SCD5: variants seen among roughly 807,000 people sequenced by gnomAD.
The protein encoded by SCD5 is stearoyl-CoA desaturase 5, also known as acyl-CoA-desaturase 4.
A neutral mutation model predicts 30.4 loss-of-function variants in SCD5; 20 were observed. The observed-to-expected ratio is 0.66, with a 90% CI of 0.46 to 0.96. The LOEUF is 0.96. Ranked by LOEUF, SCD5 falls within the 40% of genes least tolerant of loss-of-function variation. SCD5 has a pLI of 0.00. For synonymous variants in SCD5, 173 were observed against 176.4 expected (o/e 0.98, Z 0.16); for missense variants, 381 against 443.3 (o/e 0.86, Z 1.26).
At chr4:82,730,583 TTC>T (rs1720615930) in intron 1 of SCD5, among the ~76,000 whole-genome samples, 1 of 123,254 alleles carries the variant, frequency 8.1e-6, no homozygotes, top group Non-Finnish European at 1.6e-5. Context: ...TTTTTTTCCC[TTC>T]TTTTTTTTTT....
chr4:82,785,393 T>C (rs933179183), intron 1 of SCD5, among the ~76,000 whole-genome samples: 1 of 152,214 alleles, frequency 6.6e-6, no homozygotes, highest in Non-Finnish European at 1.5e-5. Context: ...CAAAGGAATC[T>C]ACATAACAAG....
At chr4:82,774,806 T>C (rs540392362) in intron 1 of SCD5, among the ~76,000 whole-genome samples, 1 of 152,298 alleles carries the variant, frequency 6.6e-6, no homozygotes, top group South Asian at 2.1e-4. Context: ...TTCCCAGGAT[T>C]CCAATTAAAG....
chr4:82,721,801 C>T (rs901140085), intron 1 of SCD5, among the ~76,000 whole-genome samples: 1 of 152,206 alleles, frequency 6.6e-6, no homozygotes, highest in Non-Finnish European at 1.5e-5. Context: ...ATCCGTAGTA[C>T]ATTGTTATAG....
chr4:82,690,390 T>A (rs970744071), intron 2 of SCD5, among the ~76,000 whole-genome samples: 3 of 152,224 alleles, frequency 2.0e-5, no homozygotes, highest in Non-Finnish European at 4.4e-5. Flanking sequence ...TCTCTAAGTT[T>A]CAAAATAAAA....
chr4:82,689,051 G>A (rs573749412), intron 2 of SCD5, among the ~76,000 whole-genome samples: 7,589 of 152,222 alleles, frequency 0.05, 400 homozygotes, highest in African/African-American at 0.13. Context: ...TAAAAATTGA[G>A]GGGGAAGAAA....
At chr4:82,687,514 C>T (rs1219788134) in intron 2 of SCD5, among the ~76,000 whole-genome samples, 2 of 152,194 alleles carry the variant, frequency 1.3e-5, no homozygotes. Flanking sequence ...TCTGGCAATC[C>T]AGTCTGTTAA....
chr4:82,770,584 T>C (rs1721598183), intron 1 of SCD5, among the ~76,000 whole-genome samples: 1 of 152,254 alleles, frequency 6.6e-6, no homozygotes, highest in Non-Finnish European at 1.5e-5. Flanking sequence ...TTCAGGGAAA[T>C]ATTTGTTAAG....
chr4:82,753,568 C>T (rs1721154636), intron 1 of SCD5: 1 of 392,292 alleles, frequency 2.5e-6, no homozygotes, highest in East Asian at 7.3e-5. Flanking sequence ...TTAGAATGTT[C>T]ATAGGGTGTC....
At chr4:82,768,423 TA>T (rs1349199178) in intron 1 of SCD5, among the ~76,000 whole-genome samples, 3 of 151,842 alleles carry the variant, frequency 2.0e-5, no homozygotes, top group Middle Eastern at 3.2e-3. Context: ...TCTAGTAAGT[TA>T]AAAAAAAGTC....
At chr4:82,786,480 A>C (rs1226768004) in intron 1 of SCD5, among the ~76,000 whole-genome samples, 1 of 152,094 alleles carries the variant, frequency 6.6e-6, no homozygotes, top group Non-Finnish European at 1.5e-5. Context: ...AAGCTCATTG[A>C]TATTTGATGT....
chr4:82,735,812 G>C (rs766343671), intron 1 of SCD5, among the ~76,000 whole-genome samples: 1 of 152,176 alleles, frequency 6.6e-6, no homozygotes, highest in South Asian at 2.1e-4. Context: ...ATGTTTCCTT[G>C]ACTAGAAATA....
At chr4:82,684,172 G>C (rs1305596429) in intron 2 of SCD5, among the ~76,000 whole-genome samples, 1 of 152,190 alleles carries the variant, frequency 6.6e-6, no homozygotes, top group Non-Finnish European at 1.5e-5. Flanking sequence ...TCCAACAGAA[G>C]CTACCTGACT....
At chr4:82,712,272 A>G (rs1452964243) in intron 1 of SCD5, among the ~76,000 whole-genome samples, 5 of 48,886 alleles carry the variant, frequency 1.0e-4, no homozygotes, top group African/African-American at 4.1e-4. Flanking sequence ...ATATATATAT[A>G]TATATATATA....
intron 1 of SCD5, among the ~76,000 whole-genome samples, chr4:82,764,634 G>C (rs761580024): frequency 6.6e-6 from 1 of 151,556 alleles, no homozygotes; most frequent in Non-Finnish European, 1.5e-5. Context: ...CTTGGCCTTT[G>C]TGAAATTATT....
rs1727245290 is a variant in SCD5 at position 82,629,557 on chromosome 4, T to C, written c.*1770A>G. 6.6e-6 allele frequency: 1 copy of C among 152,268 alleles called. No individual in the cohort carries two copies. Among genetic ancestry groups the C allele is most frequent in the African/African-American group, 2.4e-5 (1 of 41,472 alleles). 9.4% of individuals were successfully genotyped at this position (152,268 alleles called of 1,614,324 possible). A position where few individuals can be genotyped will look rare whatever the true frequency, so the allele number is the denominator to read the frequency against. On this transcript the variant is annotated 3_prime_UTR_variant, in exon 5 of 5. Coordinates refer to ENST00000319540, the MANE Select transcript of SCD5 (RefSeq NM_001037582.3). ...ACACCAATGAATTCATAATCATTTA[T>C]TGTAAATCACTCACAGTTTACACAT...
intron 1 of SCD5, chr4:82,753,273 C>T: frequency 4.1e-6 from 2 of 481,956 alleles, no homozygotes; most frequent in Non-Finnish European, 8.6e-6. Flanking sequence ...AATCCACATT[C>T]TCTAGATGGC....
chr4:82,698,212 A>C (rs1417366989), intron 2 of SCD5: 8 of 438,982 alleles, frequency 1.8e-5, no homozygotes, highest in Non-Finnish European at 3.7e-5. Flanking sequence ...AGGTGGCAAC[A>C]CTGAAACAGG....
At chr4:82,775,186 A>T (rs886622147) in intron 1 of SCD5, among the ~76,000 whole-genome samples, 1 of 152,130 alleles carries the variant, frequency 6.6e-6, no homozygotes, top group Non-Finnish European at 1.5e-5. Flanking sequence ...GGTCAGGATG[A>T]GTTTGTGGAT....
chr4:82,780,889 A>G (rs1018522099), intron 1 of SCD5, among the ~76,000 whole-genome samples: 4 of 152,232 alleles, frequency 2.6e-5, no homozygotes, highest in African/African-American at 9.6e-5. Flanking sequence ...GTCCGGGCAC[A>G]GGGCCAAGGG....
Sources: allele counts gnomAD v4.1 joint callset (sites outside exome capture counted in the v4.1 genomes callset), GRCh38; gene constraint gnomAD v4.1.1; transcripts MANE v1.5; gene names NCBI Gene and HGNC (gene_info 2026-07-23, HGNC 2026-07-21).